FAM13A: variants seen among roughly 807,000 people sequenced by gnomAD.
FAM13A encodes the protein family with sequence similarity 13 member A.
In FAM13A, 76 loss-of-function variants were observed where a neutral mutation model predicts 129.6. The observed-to-expected ratio is 0.59, with a 90% CI of 0.49 to 0.71. The LOEUF (loss-of-function observed/expected upper bound fraction) is 0.71. FAM13A is among the 30% of genes least tolerant of loss of function. FAM13A has a pLI of 0.00. For missense variants in FAM13A, 1,108 were observed against 1,249.3 expected, an observed-to-expected ratio of 0.89 and a Z score of 1.70; for synonymous variants, 443 against 449.9, an observed-to-expected ratio of 0.98 and a Z score of 0.20.
chr4:88,863,628 G>C (rs186479071), intron 6 of FAM13A, among the ~76,000 whole-genome samples: 146 of 152,232 alleles, frequency 9.6e-4, no homozygotes, highest in Admixed American at 2.4e-3. Flanking sequence ...TTTGACTTGC[G>C]GGGACTATGC....
At chr4:88,923,270 T>A (rs1438502409) in intron 5 of FAM13A, among the ~76,000 whole-genome samples, 1 of 152,218 alleles carries the variant, frequency 6.6e-6, no homozygotes, top group Non-Finnish European at 1.5e-5. Context: ...TTTAGACCAA[T>A]ATCCTTGATG....
chr4:88,888,604 A>T (rs1197103101), intron 6 of FAM13A, among the ~76,000 whole-genome samples: 1 of 152,088 alleles, frequency 6.6e-6, no homozygotes, highest in African/African-American at 2.4e-5. Flanking sequence ...ATCCCAGACT[A>T]AACAAGCCTT....
chr4:89,000,872 A>G (rs545656140), intron 3 of FAM13A, among the ~76,000 whole-genome samples: 8 of 152,378 alleles, frequency 5.3e-5, no homozygotes, highest in African/African-American at 1.9e-4. Flanking sequence ...TTTTAAAAGA[A>G]TAAGTCCTCA....
intron 6 of FAM13A, among the ~76,000 whole-genome samples, chr4:88,871,773 C>G (rs2150078681): frequency 6.6e-6 from 1 of 152,220 alleles, no homozygotes; most frequent in South Asian, 2.1e-4. Flanking sequence ...GGCCAACATT[C>G]AAATTCAGGA....
intron 10 of FAM13A, among the ~76,000 whole-genome samples, chr4:88,782,011 T>A (rs1039521667): frequency 9.4e-5 from 14 of 149,042 alleles, no homozygotes; most frequent in East Asian, 2.0e-4. Context: ...TAAAAAAAAT[T>A]AAAAAATTAA....
In FAM13A at chr4:88,747,653, C is replaced by T. The variant is rs1223331892; in HGVS notation, c.2360G>A (p.Ser787Asn). The change falls in exon 18 of 24, where the codon AGC becomes AAC. Residue 787 changes from serine to asparagine, a missense_variant. Physicochemically the swap from Ser to Asn is conservative, Grantham distance 46. Transcript: ENST00000264344. ...QRKLQEKRAE[S>N]SRPEDIKDMT... ...CACCTTAATGTCCTCAGGGCGGCTGCTTTCCGCTCGCTTCTCCTGGAGCTT... is the reference window on the plus strand; with the variant it reads ...CACCTTAATGTCCTCAGGGCGGCTGTTTTCCGCTCGCTTCTCCTGGAGCTT... 7 of 1,614,082 alleles carry T rather than the reference C, an allele frequency of 4.3e-6. No individual in the cohort carries two copies. Among genetic ancestry groups the T allele is most frequent in the African/African-American group, 1.3e-5 (1 of 74,928 alleles).
At position 88,805,531 on chromosome 4, in the gene FAM13A, C is replaced by G. The variant is rs754392207; in HGVS notation, c.1008-479G>C. Among the ~76,000 whole-genome samples, 3 of 152,270 alleles carry G rather than the reference C, an allele frequency of 2.0e-5. No individual in the cohort carries two copies. The East Asian group carries it at 5.8e-4, about 29-fold the overall frequency. ...ACATCAGTAAACAGCACCATACTCA[C>G]GGGCTCTTTGTCCTTCTGTAGTTAC... On this transcript the variant is annotated intron_variant, in intron 7 of 23. Coordinates refer to ENST00000264344, the MANE Select transcript of FAM13A (RefSeq NM_014883.4).
chr4:88,769,285 G>GT (rs1035088415), intron 11 of FAM13A, among the ~76,000 whole-genome samples: 1 of 152,086 alleles, frequency 6.6e-6, no homozygotes, highest in African/African-American at 2.4e-5. Flanking sequence ...ATTTATGTTG[G>GT]TTTTGCCAAT....
chr4:88,876,634 G>A (rs569889779), intron 6 of FAM13A, among the ~76,000 whole-genome samples: 1 of 151,362 alleles, frequency 6.6e-6, no homozygotes, highest in Non-Finnish European at 1.5e-5. Context: ...CTCTGTCGCC[G>A]AGGCTGGAGT....
At chr4:88,906,113 C>A (rs1393166402) in intron 6 of FAM13A, among the ~76,000 whole-genome samples, 5 of 152,100 alleles carry the variant, frequency 3.3e-5, no homozygotes, top group African/African-American at 4.8e-5. Flanking sequence ...CATGGCAAAA[C>A]CCCGTCTCTA....
intron 4 of FAM13A, among the ~76,000 whole-genome samples, chr4:88,988,013 A>T (rs1762480804): frequency 6.6e-6 from 1 of 152,148 alleles, no homozygotes. Flanking sequence ...CTCAATGTGG[A>T]TGCATCAGGA....
intron 4 of FAM13A, among the ~76,000 whole-genome samples, chr4:88,952,104 T>C (rs925955515): frequency 2.0e-5 from 3 of 152,136 alleles, no homozygotes; most frequent in Non-Finnish European, 2.9e-5. Flanking sequence ...TTAGAATAAA[T>C]AGCATATATG....
intron 20 of FAM13A, among the ~76,000 whole-genome samples, chr4:88,738,607 C>A (rs1315470879): frequency 6.6e-6 from 1 of 152,136 alleles, no homozygotes; most frequent in Non-Finnish European, 1.5e-5. Flanking sequence ...TCTCCCTGGA[C>A]ACAATTCCCA....
chr4:88,747,636 T>C lies in FAM13A; in HGVS notation c.2377A>G (p.Ile793Val). The part of the protein sequence containing the change: ...KRAESSRPED[I>V]KDMTKDQIAN... ...ACTTCACAGAATGATCGCACCTTAATGTCCTCAGGGCGGCTGCTTTCCGCT... is the reference window on the plus strand; with the variant it reads ...ACTTCACAGAATGATCGCACCTTAACGTCCTCAGGGCGGCTGCTTTCCGCT... The change falls in exon 18 of 24, where the codon ATT (isoleucine) becomes GTT (valine). Residue 793 changes from isoleucine to valine, a missense_variant. Transcript: ENST00000264344. The C allele has an allele frequency of 6.2e-7, 1 of 1,613,942 alleles. No homozygotes were observed. Among genetic ancestry groups the C allele is most frequent in the Non-Finnish European group, 8.5e-7 (1 of 1,179,802 alleles).
chr4:88,750,196 G>A (rs1303137666), intron 15 of FAM13A, among the ~76,000 whole-genome samples: 3 of 152,130 alleles, frequency 2.0e-5, no homozygotes, highest in South Asian at 2.1e-4. Context: ...ATTGGAGAGC[G>A]CTTTGGAAAG....
chr4:88,732,385 T>C, intron 21 of FAM13A, 187 bp from the exon 22 acceptor site: 1 of 452,346 alleles, frequency 2.2e-6, no homozygotes, highest in South Asian at 5.7e-5. Context: ...AATATACACA[T>C]TTAATAACAC....
rs1257191198 is a variant in FAM13A, at chr4:88,836,072, ATTAAAG to A, written c.1007+14942_1007+14947del. ...GAAAAAATTTAAAAATATAGACAAG[ATTAAAG>A]TTAAACACAATCCCATTGCTTCCAT... On this transcript the variant is annotated intron_variant, in intron 7 of 23. Transcript: ENST00000264344. 7.9e-5 allele frequency among the ~76,000 whole-genome samples: 12 copies of A among 152,358 alleles called. No homozygotes were observed. In the South Asian group the frequency reaches 1.7e-3, roughly 21 times the overall value.
At chr4:88,908,511 A>G (rs1046278687) in intron 5 of FAM13A, among the ~76,000 whole-genome samples, 1 of 152,174 alleles carries the variant, frequency 6.6e-6, no homozygotes, top group Non-Finnish European at 1.5e-5. Context: ...TTATGCAAAA[A>G]ACAGAAGTGA....
chr4:88,772,823 C>A (rs1720951560), intron 11 of FAM13A, among the ~76,000 whole-genome samples: 1 of 152,092 alleles, frequency 6.6e-6, no homozygotes, highest in African/African-American at 2.4e-5. Flanking sequence ...AGTAAAAAAT[C>A]AGATGGTTGT....
Sources: gnomAD v4.1 joint callset for allele counts (sites outside exome capture counted in the v4.1 genomes callset) on GRCh38, gnomAD v4.1.1 for gene constraint, MANE v1.5 for transcripts, NCBI Gene and HGNC (gene_info 2026-07-23, HGNC 2026-07-21) for gene names.